SAMD12: variants seen among roughly 807,000 people sequenced by gnomAD.
SAMD12 encodes sterile alpha motif domain-containing protein 12.
A neutral mutation model predicts 15.0 loss-of-function variants in SAMD12; 9 were observed. That is an observed-to-expected ratio of 0.60 (90% CI 0.36 to 1.05). SAMD12 has a LOEUF of 1.05. Among genes scored for constraint, SAMD12 ranks in the 50% least tolerant of loss-of-function variants. The pLI is 0.01. For synonymous variants in SAMD12, 86 were observed against 90.1 expected (o/e 0.96, Z 0.25); for missense variants, 230 against 234.2 (o/e 0.98, Z 0.12).
intron 2 of SAMD12, among the ~76,000 whole-genome samples, chr8:118,507,582 G>A (rs2131056607): frequency 6.6e-6 from 1 of 152,226 alleles, no homozygotes; most frequent in South Asian, 2.1e-4. Context: ...GCTGAACTAT[G>A]ATATCAATAA....
intron 1 of SAMD12, among the ~76,000 whole-genome samples, chr8:118,592,464 C>T (rs1187768753): frequency 6.6e-6 from 1 of 152,044 alleles, no homozygotes; most frequent in Non-Finnish European, 1.5e-5. Flanking sequence ...CACTGACTAG[C>T]TGTATGGCCT....
chr8:118,374,468 C>T (rs1000195781), downstream of SAMD12, among the ~76,000 whole-genome samples: 2 of 152,036 alleles, frequency 1.3e-5, no homozygotes, highest in Admixed American at 6.6e-5. Flanking sequence ...TTTCAAGATC[C>T]TGCTTTGAAT....
chr8:118,463,069 C>G (rs1484950540), intron 2 of SAMD12, among the ~76,000 whole-genome samples: 2 of 137,004 alleles, frequency 1.5e-5, no homozygotes, highest in African/African-American at 5.5e-5. Flanking sequence ...CCACTGCACT[C>G]CAGCCTGGGC....
chr8:118,491,655 G>A (rs557834396), intron 2 of SAMD12, among the ~76,000 whole-genome samples: 354 of 152,180 alleles, frequency 2.3e-3, no homozygotes, highest in Admixed American at 3.1e-3. Flanking sequence ...TCATTATAGA[G>A]TGGCTTTGCT....
At chr8:118,223,470 G>A (rs1331551779) in intron 4 of SAMD12, among the ~76,000 whole-genome samples, 2 of 152,192 alleles carry the variant, frequency 1.3e-5, no homozygotes, top group African/African-American at 4.8e-5. Flanking sequence ...TGTTCTGTAG[G>A]AGTATGGTGG....
At chr8:118,507,342 GTA>G (rs994210960) in intron 2 of SAMD12, among the ~76,000 whole-genome samples, 2 of 151,860 alleles carry the variant, frequency 1.3e-5, no homozygotes, top group African/African-American at 4.8e-5. Context: ...ATAATCACCT[GTA>G]TATATGTCCC....
intron 3 of SAMD12, among the ~76,000 whole-genome samples, chr8:118,389,452 A>G (rs1820150972): frequency 6.6e-6 from 1 of 152,186 alleles, no homozygotes. Context: ...TTGGGAGCCT[A>G]CGCAGCCCAG....
intron 2 of SAMD12, among the ~76,000 whole-genome samples, chr8:118,484,714 T>C (rs1824229079): frequency 6.6e-6 from 1 of 152,034 alleles, no homozygotes; most frequent in Non-Finnish European, 1.5e-5. Flanking sequence ...GAGCCTTACC[T>C]CTCTCTCTGT....
intron 2 of SAMD12, among the ~76,000 whole-genome samples, chr8:118,448,956 C>T (rs1234205070): frequency 2.0e-5 from 3 of 152,108 alleles, no homozygotes; most frequent in South Asian, 2.1e-4. Flanking sequence ...TAATGTTTAC[C>T]GAAAGTGTAT....
downstream of SAMD12, among the ~76,000 whole-genome samples, chr8:118,374,251 T>C (rs535490327): frequency 9.6e-4 from 146 of 152,280 alleles, 1 homozygote; most frequent in African/African-American, 3.4e-3. Flanking sequence ...TGTCCTTTTG[T>C]GACTCGCTTA....
chr8:118,336,387 C>G (rs973169538), intron 4 of SAMD12, among the ~76,000 whole-genome samples: 4 of 152,272 alleles, frequency 2.6e-5, no homozygotes, highest in African/African-American at 9.6e-5. Context: ...TCTTTTGAGT[C>G]TATGATTTTT....
chr8:118,325,026 C>T (rs2130471652), intron 4 of SAMD12, among the ~76,000 whole-genome samples: 1 of 152,286 alleles, frequency 6.6e-6, no homozygotes, highest in Admixed American at 6.5e-5. Context: ...GAAGAGCAAA[C>T]ATGACTGGGA....
intron 2 of SAMD12, among the ~76,000 whole-genome samples, chr8:118,472,218 C>T (rs975990302): frequency 7.3e-5 from 11 of 150,554 alleles, no homozygotes; most frequent in Admixed American, 5.3e-4. Context: ...ACCCGGGAGG[C>T]GGAGCTTGCA....
intron 2 of SAMD12, 90 bp downstream of exon 2, chr8:118,580,625 A>G (rs541791672): frequency 9.9e-5 from 85 of 855,724 alleles, no homozygotes; most frequent in Non-Finnish European, 8.1e-5. Flanking sequence ...GTAATTAGTG[A>G]AAGCACTATC....
intron 4 of SAMD12, among the ~76,000 whole-genome samples, chr8:118,273,387 A>T (rs1813410396): frequency 6.6e-6 from 1 of 152,202 alleles, no homozygotes; most frequent in Admixed American, 6.5e-5. Flanking sequence ...GCAAAAATTC[A>T]AGATGAGATT....
the SAMD12 span, among the ~76,000 whole-genome samples, chr8:118,152,960 C>A: frequency 6.6e-6 from 1 of 152,202 alleles, no homozygotes; most frequent in Non-Finnish European, 1.5e-5. Context: ...TACATGATTA[C>A]TGTGAATAGA....
intron 4 of SAMD12, among the ~76,000 whole-genome samples, chr8:118,316,821 T>G (rs1029174503): frequency 5.3e-5 from 8 of 149,758 alleles, no homozygotes; most frequent in Non-Finnish European, 8.9e-5. Flanking sequence ...AAAAAGTTTT[T>G]TTTTTTTTTT....
At chr8:118,136,131 G>A in the SAMD12 span, among the ~76,000 whole-genome samples, 4 of 152,142 alleles carry the variant, frequency 2.6e-5, no homozygotes, top group Non-Finnish European at 5.9e-5. Context: ...CTGGGTTCAA[G>A]TAATTCTCCT....
intron 4 of SAMD12, among the ~76,000 whole-genome samples, chr8:118,262,808 G>C (rs1813110382): frequency 6.6e-6 from 1 of 151,982 alleles, no homozygotes; most frequent in African/African-American, 2.4e-5. Context: ...ATAATCGTTG[G>C]AAACATACTA....
Sources: allele counts gnomAD v4.1 joint callset (sites outside exome capture counted in the v4.1 genomes callset), GRCh38; gene constraint gnomAD v4.1.1; transcripts MANE v1.5; gene names NCBI Gene and HGNC (gene_info 2026-07-23, HGNC 2026-07-21).